Variants in PDXDC1 observed in about 807,000 individuals in gnomAD.
PDXDC1 encodes pyridoxal-dependent decarboxylase domain-containing protein 1.
Under a neutral mutation model 100.1 loss-of-function variants are expected in PDXDC1, and 42 were observed. That is an observed-to-expected ratio of 0.42 (90% CI 0.33 to 0.54). The LOEUF (loss-of-function observed/expected upper bound fraction) is 0.54, where lower values mean the gene tolerates loss of function less well. Ranked by LOEUF, PDXDC1 falls within the 20% of genes least tolerant of loss-of-function variation. The probability of loss-of-function intolerance (pLI) is 0.10; values close to 1 mark genes in which losing one functional copy is unlikely to be tolerated. For missense variants in PDXDC1, 636 were observed against 979.2 expected, an observed-to-expected ratio of 0.65 and a Z score of 4.68; for synonymous variants, 260 against 371.7, an observed-to-expected ratio of 0.70 and a Z score of 3.46.
chr16:15,125,242 C>A, intron 16 of PDXDC1: 1 of 571,060 alleles, frequency 1.8e-6, no homozygotes, highest in South Asian at 2.0e-5. Context: ...GGGGTTGTGC[C>A]GCAGATTGCT....
chr16:15,047,697 A>C (rs1195665733), intron 16 of PDXDC1: 4 of 902,318 alleles, frequency 4.4e-6, no homozygotes, highest in Non-Finnish European at 7.4e-6. Context: ...CAGCCAACCC[A>C]TTCTGACCAG....
chr16:15,044,449 C>G, intron 16 of PDXDC1: 1 of 1,266,036 alleles, frequency 7.9e-7, no homozygotes, highest in Non-Finnish European at 1.2e-6. Context: ...GAAGAAGACA[C>G]CGGTGCGTGC....
At chr16:15,082,411 G>A (rs1476613535) in intron 16 of PDXDC1, among the ~76,000 whole-genome samples, 5 of 151,994 alleles carry the variant, frequency 3.3e-5, no homozygotes, top group Non-Finnish European at 7.4e-5. Flanking sequence ...GGTGGTTCAC[G>A]CCTCTAATCC....
At chr16:15,149,552 C>T in the PDXDC1 span, among the ~76,000 whole-genome samples, 2 of 152,222 alleles carry the variant, frequency 1.3e-5, no homozygotes, top group East Asian at 1.9e-4. Flanking sequence ...TCTTCCCCGA[C>T]GCCAATCCCA....
At chr16:15,127,053 G>A (rs1438503329) in intron 16 of PDXDC1, 1 of 352,088 alleles carries the variant, frequency 2.8e-6, no homozygotes, top group Non-Finnish European at 5.6e-6. Context: ...CTCCTGAAGT[G>A]TTGGGATTAT....
chr16:15,085,753 G>C, intron 16 of PDXDC1: 1 of 1,604,764 alleles, frequency 6.2e-7, no homozygotes, highest in Non-Finnish European at 8.5e-7. Context: ...ACAATGAATG[G>C]CTATACAAAA....
chr16:15,128,705 A>T (rs1298743055), intron 16 of PDXDC1, among the ~76,000 whole-genome samples: 1 of 152,046 alleles, frequency 6.6e-6, no homozygotes, highest in Non-Finnish European at 1.5e-5. Flanking sequence ...GTCACGCCAC[A>T]ACCAGTGACC....
chr16:15,000,579 G>A (rs1422789677), intron 3 of PDXDC1, among the ~76,000 whole-genome samples: 1 of 152,276 alleles, frequency 6.6e-6, no homozygotes, highest in Admixed American at 6.5e-5. Flanking sequence ...GAATAGCCCT[G>A]CGTTATTCCT....
At chr16:15,089,603 A>G (rs1321797601) in intron 16 of PDXDC1, among the ~76,000 whole-genome samples, 1 of 151,080 alleles carries the variant, frequency 6.6e-6, no homozygotes, top group African/African-American at 2.4e-5. Context: ...GATCGAGACC[A>G]TCCTGGCTAA....
chr16:15,066,480 A>C (rs2044978610), intron 16 of PDXDC1, among the ~76,000 whole-genome samples: 1 of 151,968 alleles, frequency 6.6e-6, no homozygotes, highest in East Asian at 1.9e-4. Context: ...TAAAAATACA[A>C]AAATTAGCTG....
intron 16 of PDXDC1, among the ~76,000 whole-genome samples, chr16:15,069,516 A>T (rs1444919688): frequency 6.6e-6 from 1 of 152,236 alleles, no homozygotes; most frequent in Non-Finnish European, 1.5e-5. Context: ...AACTCTTAGA[A>T]ATTAGCAAAA....
intron 16 of PDXDC1, among the ~76,000 whole-genome samples, chr16:15,093,578 G>A (rs893131582): frequency 1.1e-4 from 16 of 152,198 alleles, no homozygotes; most frequent in African/African-American, 3.4e-4. Flanking sequence ...ATCATATTAC[G>A]CTAATTGTTT....
chr16:15,065,248 G>C (rs766503968), intron 16 of PDXDC1: 11 of 1,613,814 alleles, frequency 6.8e-6, no homozygotes, highest in Non-Finnish European at 9.3e-6. Context: ...CAAAGGGGAA[G>C]AAGGTGTCCA....
intron 16 of PDXDC1, chr16:15,074,842 T>A (rs1362432349): frequency 4.3e-6 from 7 of 1,610,382 alleles, no homozygotes; most frequent in African/African-American, 2.7e-5. Flanking sequence ...TGTTTCATGT[T>A]CAGTTTCTTC....
chr16:15,019,183 A>T (rs527451764), intron 12 of PDXDC1, among the ~76,000 whole-genome samples: 51 of 152,376 alleles, frequency 3.3e-4, no homozygotes, highest in Admixed American at 1.4e-3. Context: ...ATGAAATCAG[A>T]TGAAAAGGAA....
In PDXDC1 at chr16:15,036,233, A is replaced by T. The variant is rs763132855; in HGVS notation, c.2325A>T (p.Glu775Asp). 7.4e-6 allele frequency: 12 copies of T among 1,614,114 alleles called. No individual in the cohort carries two copies. In the Admixed American group the frequency reaches 1.2e-4, roughly 16 times the overall value. Residue 775 changes from glutamate to aspartate, a missense_variant, in exon 23 of 23, where the codon GAA becomes GAT. Around this residue, in one of 4 missense-constraint regions of PDXDC1, gnomAD observed 452 missense variants for 402.9 expected, o/e 1.12. Coordinates refer to ENST00000396410, the MANE Select transcript of PDXDC1 (RefSeq NM_015027.4). ...TCCAGAAAGGGGTCCCACACCCAGAAGATGACCACTCACAGGTAGAAGGAC... is the reference window on the plus strand; with the variant it reads ...TCCAGAAAGGGGTCCCACACCCAGATGATGACCACTCACAGGTAGAAGGAC... Reference protein sequence around the residue: ...EAFQKGVPHPEDDHSQVEGPE... With the variant: ...EAFQKGVPHPDDDHSQVEGPE...
At chr16:14,989,125 C>G in intron 1 of PDXDC1, 1 of 1,614,284 alleles carries the variant, frequency 6.2e-7, no homozygotes, top group Non-Finnish European at 8.5e-7. Context: ...TTCATTTCCA[C>G]TCCTGGGCTG....
chr16:15,061,773 C>T lies in PDXDC1; in HGVS notation c.1399+31717C>T, dbSNP rs145434552. 389 of 1,613,892 alleles carry T rather than the reference C, an allele frequency of 2.4e-4. 3 individuals carry two copies. In the East Asian group the frequency reaches 8.2e-3, roughly 34 times the overall value. On this transcript the variant is annotated intron_variant, in intron 16 of 16. Transcript: ENST00000535621. ...AGGGGACTGGGTTGCATGTACAACA[C>T]GGGTGGGGAGCCCACACTACTTGAA...
At chr16:15,104,703 T>G (rs536968913) in intron 16 of PDXDC1, 2 of 1,597,404 alleles carry the variant, frequency 1.3e-6, no homozygotes, top group African/African-American at 2.7e-5. Flanking sequence ...AGCTGTGAGG[T>G]AGGGCCAGCA....
Sources: gnomAD v4.1 joint callset for allele counts (sites outside exome capture counted in the v4.1 genomes callset) on GRCh38, gnomAD v4.1.1 for gene constraint, gnomAD v4.1.1 regional missense constraint, MANE v1.5 for transcripts, NCBI Gene and HGNC (gene_info 2026-07-23, HGNC 2026-07-21) for gene names.